The following VPS13C variants were observed in gnomAD, a reference collection of about 807,000 sequenced individuals.
VPS13C encodes intermembrane lipid transfer protein VPS13C.
VPS13C carries 358 observed loss-of-function variants against 456.8 expected under a neutral mutation model. That is an observed-to-expected ratio of 0.78 (90% CI 0.72 to 0.86). The LOEUF (loss-of-function observed/expected upper bound fraction) is 0.86. Among genes scored for constraint, VPS13C ranks in the 40% least tolerant of loss-of-function variants. VPS13C has a pLI of 0.00. For missense variants in VPS13C, 4,818 were observed against 4,385.4 expected (o/e 1.10, Z -2.79); for synonymous variants, 1,578 against 1,486.7 (o/e 1.06, Z -1.41).
intron 9 of VPS13C, among the ~76,000 whole-genome samples, chr15:62,016,095 A>G (rs1482234884): frequency 3.3e-5 from 5 of 151,236 alleles, no homozygotes; most frequent in Non-Finnish European, 5.9e-5. Context: ...TATGCCCACA[A>G]CATTGTGAAG....
intron 67 of VPS13C, among the ~76,000 whole-genome samples, chr15:61,889,412 T>G (rs1896510381): frequency 6.6e-6 from 1 of 152,074 alleles, no homozygotes; most frequent in Admixed American, 6.5e-5. Context: ...ACATAGACTA[T>G]CTATTTACTT....
At chr15:61,972,492 G>T in intron 27 of VPS13C, 133 bp downstream of exon 27, 1 of 785,328 alleles carries the variant, frequency 1.3e-6, no homozygotes, top group South Asian at 1.9e-5. Flanking sequence ...GTGTGTATGT[G>T]CATGTGTGTT....
In VPS13C at chr15:62,013,054, T is replaced by G; in HGVS notation, c.810A>C (p.Ser270=). The G allele has an allele frequency of 6.2e-7, 1 of 1,610,458 alleles. No individual in the cohort carries two copies. The highest frequency in any genetic ancestry group is 8.5e-7 in the Non-Finnish European group (1 of 1,178,104). ...TTAATATTACCAAAATCTGTTCCCT[T>G]GATCTCTGGTAAGACATGCTGCAAT... ...NVNCSMSYQR[S]REQILDQLKN... The change falls in exon 11 of 85, where the codon TCA becomes TCC. Residue 270 remains serine, a synonymous_variant. Transcript: ENST00000644861.
At chr15:62,042,954 T>C (rs1036001882) in intron 2 of VPS13C, among the ~76,000 whole-genome samples, 16 of 150,662 alleles carry the variant, frequency 1.1e-4, no homozygotes, top group Non-Finnish European at 1.9e-4. Flanking sequence ...AATAGTTTAT[T>C]ATATTTAATT....
intron 45 of VPS13C, among the ~76,000 whole-genome samples, chr15:61,942,597 C>T (rs1330168511): frequency 1.4e-5 from 2 of 147,920 alleles, no homozygotes; most frequent in Non-Finnish European, 3.0e-5. Context: ...TAATTGTCTA[C>T]AATCCTGTAA....
intron 16 of VPS13C, among the ~76,000 whole-genome samples, chr15:61,997,157 T>G (rs1044469192): frequency 3.3e-5 from 5 of 152,108 alleles, no homozygotes; most frequent in Admixed American, 2.0e-4. Context: ...TTCTGTCCTA[T>G]CTTAGTTAAA....
intron 82 of VPS13C, among the ~76,000 whole-genome samples, chr15:61,861,433 T>G (rs1257980913): frequency 6.6e-6 from 1 of 152,202 alleles, no homozygotes; most frequent in Non-Finnish European, 1.5e-5. Context: ...AACAAAAGGT[T>G]GAGAAACACA....
chr15:61,976,208 T>C (rs1410541022), intron 24 of VPS13C, among the ~76,000 whole-genome samples: 1 of 152,004 alleles, frequency 6.6e-6, no homozygotes, highest in East Asian at 1.9e-4. Context: ...GTGAGGTTAA[T>C]CGGTAATGAA....
intron 65 of VPS13C, 132 bp from the exon 66 acceptor site, chr15:61,907,522 T>A: frequency 8.7e-7 from 1 of 1,144,792 alleles, no homozygotes; most frequent in Non-Finnish European, 1.2e-6. Flanking sequence ...CAACTCTACC[T>A]AAAAACAAGT....
chr15:62,023,795 G>T lies in VPS13C; in HGVS notation c.499C>A (p.Leu167Ile), dbSNP rs2047542931. Residue 167 changes from leucine (L) to isoleucine (I), a missense_variant, in exon 7 of 85, where the codon CTT (leucine) becomes ATT (isoleucine). Physicochemically the swap from Leu to Ile is conservative, Grantham distance 5 (BLOSUM62 2). Around this residue, in one of 3 missense-constraint regions of VPS13C, gnomAD observed 4,552 missense variants for 4,130.6 expected, o/e 1.10. Transcript: ENST00000644861. Reference sequence around the variant, plus strand: ...TTTTACCTACCTTTTGAACGATCAAGACCTTTAAAAGGTTTCTTAAAATGT... The same window carrying T: ...TTTTACCTACCTTTTGAACGATCAATACCTTTAAAAGGTTTCTTAAAATGT... ...KKHFKKPFKGLDRSKDKPKEA... is the reference protein window; with the variant it reads ...KKHFKKPFKGIDRSKDKPKEA... 6.2e-7 allele frequency: 1 copy of T among 1,610,532 alleles called. No homozygotes were observed.
At chr15:61,865,836 T>C in intron 81 of VPS13C, 1 of 911,966 alleles carries the variant, frequency 1.1e-6, no homozygotes, top group Non-Finnish European at 1.3e-6. Context: ...ATAAGTAGAA[T>C]AGTACATCTC....
At chr15:61,948,669 G>T (rs2044687562) in intron 42 of VPS13C, among the ~76,000 whole-genome samples, 1 of 151,060 alleles carries the variant, frequency 6.6e-6, no homozygotes, top group Admixed American at 6.6e-5. Flanking sequence ...AGCAACAAAA[G>T]TGAAATTCCG....
chr15:61,866,460 T>C (rs1368974508), intron 81 of VPS13C: 1 of 984,378 alleles, frequency 1.0e-6, no homozygotes, highest in Non-Finnish European at 1.2e-6. Context: ...GTTACAGGGG[T>C]TCTTAAAAGT....
Position 62,000,569 on chromosome 15 carries a change from C to T in VPS13C, c.1348G>A (p.Val450Ile), listed in dbSNP as rs1046747286. 5 of 1,607,358 alleles carry T rather than the reference C, an allele frequency of 3.1e-6. No homozygotes were observed. The highest frequency in any genetic ancestry group is 1.3e-5 in the African/African-American group (1 of 74,636). ...CAGCTAATAAAAATGATTACCTCAA[C>T]TTGTGCTTGTTGCCTTGCTAAAATT... is the stretch of plus-strand genomic sequence containing the variant. ...NIILARQQAQVEVIRSGQKLR... is the reference protein window; with the variant it reads ...NIILARQQAQIEVIRSGQKLR... Residue 450 changes from valine to isoleucine, a missense_variant, in exon 16 of 85, where the codon GTT (valine) becomes ATT (isoleucine). Val to Ile is a conservative substitution (Grantham distance 29). Transcript: ENST00000644861.
Position 61,954,342 on chromosome 15 carries a change from T to A in VPS13C, c.4299+79A>T, listed in dbSNP as rs530700984. 7.5e-6 allele frequency: 11 copies of A among 1,469,204 alleles called. No homozygotes were observed. The African/African-American group carries it at 1.6e-4, about 21-fold the overall frequency. 91.0% of individuals were successfully genotyped at this position (1,469,204 alleles called of 1,614,324 possible). ...AGATTTTTTTCATCAGTATCAATTATCTGTAAGTTTAGTAGAGGTAATTCC... is the reference window on the plus strand; with the variant it reads ...AGATTTTTTTCATCAGTATCAATTAACTGTAAGTTTAGTAGAGGTAATTCC... On this transcript the variant is annotated intron_variant, in intron 38 of 84. Coordinates refer to ENST00000644861, the MANE Select transcript of VPS13C (RefSeq NM_020821.3).
chr15:61,912,081 C>G, intron 62 of VPS13C, 77 bp from the exon 63 acceptor site: 1 of 1,203,146 alleles, frequency 8.3e-7, no homozygotes, highest in Non-Finnish European at 1.1e-6. Flanking sequence ...CATTCACACA[C>G]AAACTTCTTA....
rs1320941324 is a variant in VPS13C at position 61,945,812 on chromosome 15, T to A, written c.5051A>T (p.Glu1684Val). The change falls in exon 45 of 85, where the codon GAG (glutamate) becomes GTG (valine). Residue 1684 changes from glutamate (E) to valine (V), a missense_variant. Glu to Val is a moderately radical substitution (Grantham distance 121, BLOSUM62 -2). This residue lies in a region of VPS13C where 4,552 missense variants were observed against 4,130.6 expected (regional missense o/e 1.10). Coordinates refer to ENST00000644861, the MANE Select transcript of VPS13C (RefSeq NM_020821.3). ...TACTTTGGACATATCAGCATAGGCC[T>A]CTCCTTCTGTGGCATCTGGATAAAG... ...LTLYPDATEG[E>V]AYADMSKVDG... is the part of the protein sequence containing the mutation. 1 of 1,613,190 alleles carries A rather than the reference T, an allele frequency of 6.2e-7. No individual in the cohort carries two copies. The highest frequency in any genetic ancestry group is 8.5e-7 in the Non-Finnish European group (1 of 1,179,650).
In VPS13C at chr15:61,991,096, T is replaced by C. The variant is rs143639809; in HGVS notation, c.1484-2A>G. The stretch of plus-strand genomic sequence containing the variant: ...CTGGAGTCATAAGGTCATCAATAGC[T>C]ATGAAAAAACAACATTTTAAGAAAT... On this transcript the variant is annotated splice_acceptor_variant, in intron 17 of 84. Coordinates refer to ENST00000644861, the MANE Select transcript of VPS13C (RefSeq NM_020821.3). LOFTEE classifies it high-confidence loss of function. 1.4e-3 allele frequency: 2,239 copies of C among 1,589,512 alleles called. 7 individuals are homozygous for C. The highest frequency in any genetic ancestry group is 1.4e-3 in the Non-Finnish European group (1,582 of 1,170,718).
rs149172604 is a variant in VPS13C, at chr15:62,049,605, T to G, written c.101-5350A>C. Among the ~76,000 whole-genome samples, 133 of 152,342 alleles carry G rather than the reference T, an allele frequency of 8.7e-4. 3 individuals carry two copies. In the East Asian group the frequency reaches 0.024, roughly 28 times the overall value. ...ACATGGGCTCTTTTTTGGTTCCATA[T>G]GAACTTTAAAGTAGTTTTTCCAATT... On this transcript the variant is annotated intron_variant, in intron 1 of 84. Transcript: ENST00000644861.
Sources: gnomAD v4.1 joint callset for allele counts (sites outside exome capture counted in the v4.1 genomes callset) on GRCh38, gnomAD v4.1.1 for gene constraint, gnomAD v4.1.1 regional missense constraint, MANE v1.5 for transcripts, NCBI Gene and HGNC (gene_info 2026-07-23, HGNC 2026-07-21) for gene names.